Variants in MSH3 observed in about 807,000 individuals in gnomAD.
The protein encoded by MSH3 is DNA mismatch repair protein Msh3.
MSH3 carries 106 observed loss-of-function variants against 123.3 expected under a neutral mutation model. The ratio of observed to expected loss-of-function variants is 0.86; its 90% CI spans 0.73 to 1.01. MSH3 has a LOEUF of 1.01. Among genes scored for constraint, MSH3 ranks in the 50% least tolerant of loss-of-function variants. The pLI, the probability that MSH3 is intolerant of heterozygous loss-of-function variation, is 0.00. For synonymous variants in MSH3, 515 were observed against 481.4 expected (o/e 1.07, Z -0.91); for missense variants, 1,459 against 1,347.6 (o/e 1.08, Z -1.29).
chr5:80,813,759 G>A lies in MSH3; in HGVS notation c.2813+18G>A. On this transcript the variant is annotated intron_variant, in intron 20 of 23. Coordinates refer to ENST00000265081, the MANE Select transcript of MSH3 (RefSeq NM_002439.5). The stretch of plus-strand genomic sequence containing the variant: ...TTCACAAGGTAAGTACGTTAATTCA[G>A]CTTGCATATATTCTTGAAAATAAGT... 6.2e-7 allele frequency: 1 copy of A among 1,613,728 alleles called. No homozygotes were observed. The highest frequency in any genetic ancestry group is 1.1e-5 in the South Asian group (1 of 91,072).
intron 16 of MSH3, among the ~76,000 whole-genome samples, chr5:80,776,366 T>C (rs537941001): frequency 1.3e-5 from 2 of 152,358 alleles, no homozygotes; most frequent in East Asian, 1.9e-4. Context: ...GAACCTTCAA[T>C]TGTAAGATTA....
intron 13 of MSH3, among the ~76,000 whole-genome samples, chr5:80,765,712 A>ATAG: frequency 6.6e-6 from 1 of 152,134 alleles, no homozygotes; most frequent in Non-Finnish European, 1.5e-5. Flanking sequence ...TATCTGTTGT[A>ATAG]TAGTACTATC....
intron 8 of MSH3, among the ~76,000 whole-genome samples, chr5:80,685,889 T>A (rs1227560775): frequency 6.6e-6 from 1 of 152,192 alleles, no homozygotes; most frequent in African/African-American, 2.4e-5. Context: ...AATTTCCTTG[T>A]TGATCTCTTC....
At chr5:80,697,653 T>A (rs987386417) in intron 8 of MSH3, among the ~76,000 whole-genome samples, 2 of 152,184 alleles carry the variant, frequency 1.3e-5, no homozygotes, top group African/African-American at 4.8e-5. Context: ...TTTCTGCCAC[T>A]TGTCATTTAG....
intron 8 of MSH3, among the ~76,000 whole-genome samples, chr5:80,709,677 T>C (rs1442212644): frequency 6.6e-6 from 1 of 152,230 alleles, no homozygotes; most frequent in Non-Finnish European, 1.5e-5. Flanking sequence ...TAATTTTTCT[T>C]ATGTTTAATA....
In MSH3 at chr5:80,741,412, T is replaced by G. The variant is rs1268465979; in HGVS notation, c.1569-52T>G. ...TGTTTCTAGTTCCTGAATTAGTTTT[T>G]TATTTCTTTATGCACTTACATCTAG... is the stretch of plus-strand genomic sequence containing the variant. On this transcript the variant is annotated intron_variant, in intron 10 of 23. Transcript: ENST00000265081. 1.0e-5 allele frequency: 12 copies of G among 1,188,600 alleles called. No homozygotes were observed. The East Asian group carries it at 2.1e-4, about 21-fold the overall frequency. The allele number at this position is 1,188,600 out of a possible 1,614,324, so 73.6% of individuals were successfully genotyped here. A position where few individuals can be genotyped will look rare whatever the true frequency, so the allele number is the denominator to read the frequency against.
rs754626264 is a variant in MSH3, at chr5:80,654,674, C to A, written c.-54C>A. The A allele has an allele frequency of 2.6e-6, 4 of 1,522,986 alleles. No individual in the cohort carries two copies. Among genetic ancestry groups the A allele is most frequent in the Non-Finnish European group, 2.7e-6 (3 of 1,126,870 alleles). 94.3% of individuals were successfully genotyped at this position (1,522,986 alleles called of 1,614,324 possible). On this transcript the variant is annotated 5_prime_UTR_variant, in exon 1 of 24. Transcript: ENST00000265081. ...CGCAGACGCCTGGGAACTGCGGCCG[C>A]GGGCTCGCGCTCCTCGCCAGGCCCT...
chr5:80,736,635 G>T (rs921959351), intron 10 of MSH3, among the ~76,000 whole-genome samples: 2 of 152,160 alleles, frequency 1.3e-5, no homozygotes, highest in Non-Finnish European at 2.9e-5. Flanking sequence ...TGTGCACACA[G>T]TGTGGTTTAT....
intron 22 of MSH3, among the ~76,000 whole-genome samples, chr5:80,868,038 A>T (rs1746135636): frequency 6.6e-6 from 1 of 152,214 alleles, no homozygotes; most frequent in Admixed American, 6.5e-5. Flanking sequence ...ATCACTGACC[A>T]TTAGAGAAAT....
At chr5:80,690,182 T>G (rs1423588714) in intron 8 of MSH3, among the ~76,000 whole-genome samples, 5 of 151,986 alleles carry the variant, frequency 3.3e-5, no homozygotes, top group Non-Finnish European at 7.4e-5. Context: ...GCCTTGCGAG[T>G]TCTTGGAATT....
chr5:80,809,051 A>G (rs1197277209), intron 19 of MSH3, among the ~76,000 whole-genome samples: 2 of 151,478 alleles, frequency 1.3e-5, no homozygotes, highest in African/African-American at 2.4e-5. Flanking sequence ...TAATTAGTTT[A>G]TAGGGCATTG....
chr5:80,665,046 G>T, intron 2 of MSH3, 97 bp from the exon 3 acceptor site: 3 of 843,770 alleles, frequency 3.6e-6, no homozygotes, highest in South Asian at 3.2e-5. Context: ...TGCTTTATTG[G>T]GAATCTACCT....
intron 16 of MSH3, among the ~76,000 whole-genome samples, chr5:80,776,150 A>G (rs1286622426): frequency 3.3e-5 from 5 of 152,152 alleles, no homozygotes; most frequent in African/African-American, 1.2e-4. Context: ...TCAGCCTCCC[A>G]AAGTGCTGGG....
intron 8 of MSH3, among the ~76,000 whole-genome samples, chr5:80,714,941 C>T (rs1750932128): frequency 1.3e-5 from 2 of 152,096 alleles, no homozygotes; most frequent in South Asian, 4.1e-4. Context: ...TAGAAAAATC[C>T]TTCTTCAGCA....
At chr5:80,813,771 T>G in intron 20 of MSH3, 30 bp downstream of exon 20, 1 of 1,612,788 alleles carries the variant, frequency 6.2e-7, no homozygotes, top group Non-Finnish European at 8.5e-7. Context: ...TTGCATATAT[T>G]CTTGAAAATA....
chr5:80,830,789 T>C (rs966721675), intron 20 of MSH3, among the ~76,000 whole-genome samples: 2 of 152,352 alleles, frequency 1.3e-5, no homozygotes, highest in African/African-American at 4.8e-5. Flanking sequence ...AACACTGTCA[T>C]GTGAGCCTGT....
At chr5:80,718,178 T>C (rs1751001989) in intron 8 of MSH3, among the ~76,000 whole-genome samples, 1 of 152,228 alleles carries the variant, frequency 6.6e-6, no homozygotes. Flanking sequence ...GATCCTGACT[T>C]TGTCATTGTT....
intron 12 of MSH3, among the ~76,000 whole-genome samples, chr5:80,756,656 C>G (rs572868157): frequency 6.6e-6 from 1 of 152,278 alleles, no homozygotes; most frequent in Non-Finnish European, 1.5e-5. Flanking sequence ...AATCTTATTA[C>G]ATTGTTATCA....
chr5:80,835,429 G>A (rs1050837659), intron 20 of MSH3, among the ~76,000 whole-genome samples: 4 of 151,992 alleles, frequency 2.6e-5, no homozygotes, highest in Non-Finnish European at 5.9e-5. Context: ...CAGAGAGGAA[G>A]GTATTAGCAA....
Sources: allele counts gnomAD v4.1 joint callset (sites outside exome capture counted in the v4.1 genomes callset), GRCh38; gene constraint gnomAD v4.1.1; transcripts MANE v1.5; gene names NCBI Gene and HGNC (gene_info 2026-07-23, HGNC 2026-07-21).